The following RNF180 variants were observed in gnomAD, a reference collection of about 807,000 sequenced individuals.
RNF180 encodes E3 ubiquitin-protein ligase RNF180.
In RNF180, 38 loss-of-function variants were observed where a neutral mutation model predicts 59.2. That is an observed-to-expected ratio of 0.64 (90% confidence interval 0.50 to 0.84). The LOEUF (loss-of-function observed/expected upper bound fraction) is 0.84, where lower values mean the gene tolerates loss of function less well. Ranked by LOEUF, RNF180 falls within the 40% of genes least tolerant of loss-of-function variation. The pLI is 0.00. For missense variants in RNF180, 705 were observed against 700.9 expected (o/e 1.01, Z -0.07); for synonymous variants, 262 against 240.3 (o/e 1.09, Z -0.84).
chr5:64,192,750 A>G (rs1157266082), intron 1 of RNF180, among the ~76,000 whole-genome samples: 1 of 151,856 alleles, frequency 6.6e-6, no homozygotes, highest in East Asian at 1.9e-4. Context: ...CAGCAATCCT[A>G]TGTCTGATGT....
intron 1 of RNF180, among the ~76,000 whole-genome samples, chr5:64,170,634 C>CT (rs779667552): frequency 2.6e-5 from 4 of 152,158 alleles, no homozygotes; most frequent in Admixed American, 6.5e-5. Context: ...GATGGAGGAT[C>CT]TTTTTCTGAT....
chr5:64,185,877 G>A (rs1370786294), intron 1 of RNF180, among the ~76,000 whole-genome samples: 2 of 152,148 alleles, frequency 1.3e-5, no homozygotes, highest in Non-Finnish European at 2.9e-5. Flanking sequence ...ATGAACAAAG[G>A]TATCAGATGA....
Position 64,246,837 on chromosome 5 carries a change from G to T in RNF180, c.1227+29441G>T, listed in dbSNP as rs532108522. ...GGAAAGTTCAGGCCAATATCCTGAT[G>T]AACATCTATGAGAAAATCCTCAATA... On this transcript the variant is annotated intron_variant, in intron 5 of 7. Transcript: ENST00000389100. 1.9e-4 allele frequency among the ~76,000 whole-genome samples: 29 copies of T among 152,292 alleles called. No individual in the cohort carries two copies. The East Asian group carries it at 4.8e-3, about 25-fold the overall frequency.
At position 64,370,579 on chromosome 5, in the gene RNF180, G is replaced by T. The variant is rs1397719750; in HGVS notation, c.*765G>T. ...AATTTAGTGATTCATTTAAGTAGGA[G>T]ATGGTCAAATATATTGTAAATGTGC... On this transcript the variant is annotated 3_prime_UTR_variant, in exon 8 of 8. Coordinates refer to ENST00000389100, the MANE Select transcript of RNF180 (RefSeq NM_001113561.2). 1 of 151,604 alleles carries T rather than the reference G, an allele frequency of 6.6e-6. No homozygotes were observed. Among genetic ancestry groups the T allele is most frequent in the Non-Finnish European group, 1.5e-5 (1 of 67,740 alleles). The allele number at this position is 151,604 out of a possible 1,614,324, so 9.4% of individuals were successfully genotyped here.
chr5:64,188,404 C>CAA (rs561395613), intron 1 of RNF180, among the ~76,000 whole-genome samples: 3 of 143,398 alleles, frequency 2.1e-5, no homozygotes, highest in African/African-American at 7.7e-5. Flanking sequence ...TTCTCGTAAA[C>CAA]AAAAAAAAAA....
chr5:64,245,861 T>C (rs1743122056), intron 5 of RNF180, among the ~76,000 whole-genome samples: 2 of 152,148 alleles, frequency 1.3e-5, no homozygotes, highest in Admixed American at 6.5e-5. Context: ...GACCACATAA[T>C]TGGAAGTAAA....
intron 5 of RNF180, among the ~76,000 whole-genome samples, chr5:64,300,596 C>G (rs893042015): frequency 6.6e-6 from 1 of 151,678 alleles, no homozygotes; most frequent in Middle Eastern, 3.4e-3. Flanking sequence ...TGAATGTATT[C>G]CCCTCAGATA....
intron 1 of RNF180, among the ~76,000 whole-genome samples, chr5:64,191,279 G>T (rs1278830446): frequency 6.6e-6 from 1 of 152,114 alleles, no homozygotes; most frequent in Non-Finnish European, 1.5e-5. Context: ...TGGTACACTT[G>T]TTACAATTGA....
intron 5 of RNF180, among the ~76,000 whole-genome samples, chr5:64,293,362 C>T (rs749363132): frequency 6.6e-6 from 1 of 152,078 alleles, no homozygotes; most frequent in African/African-American, 2.4e-5. Context: ...AGAATTCACT[C>T]GCCATTTTCA....
chr5:64,343,447 G>A (rs1437469135), intron 7 of RNF180, among the ~76,000 whole-genome samples: 1 of 152,028 alleles, frequency 6.6e-6, no homozygotes, highest in African/African-American at 2.4e-5. Flanking sequence ...TATAGCTGAA[G>A]AGCTAATTGT....
At chr5:64,226,752 A>G (rs942403287) in intron 5 of RNF180, among the ~76,000 whole-genome samples, 5 of 152,226 alleles carry the variant, frequency 3.3e-5, no homozygotes, top group Admixed American at 1.3e-4. Flanking sequence ...TATAGCTGGT[A>G]ACAGAGTTCT....
chr5:64,171,361 A>G (rs903408230), intron 1 of RNF180, among the ~76,000 whole-genome samples: 2 of 152,202 alleles, frequency 1.3e-5, no homozygotes, highest in Non-Finnish European at 2.9e-5. Context: ...GGTGTGAAGT[A>G]CTACTTTTGG....
intron 5 of RNF180, among the ~76,000 whole-genome samples, chr5:64,226,183 G>A (rs368697067): frequency 3.3e-5 from 5 of 152,332 alleles, no homozygotes; most frequent in East Asian, 1.9e-4. Context: ...AGCGACCATC[G>A]AGAACGGGCC....
intron 5 of RNF180, among the ~76,000 whole-genome samples, chr5:64,250,214 C>T (rs1743476301): frequency 6.6e-6 from 1 of 152,028 alleles, no homozygotes; most frequent in Non-Finnish European, 1.5e-5. Context: ...TCCTGAACAA[C>T]CAATGGGTTA....
At position 64,269,092 on chromosome 5, in the gene RNF180, C is replaced by G. The variant is rs536653930; in HGVS notation, c.1227+51696C>G. ...TTCCCATCTTTAATAGTCTAAATCT[C>G]ACTTCCTTTGAGGAATGATTTCAAA... On this transcript the variant is annotated intron_variant, in intron 5 of 7. Transcript: ENST00000389100. Among the ~76,000 whole-genome samples the G allele has an allele frequency of 6.6e-4, 100 of 152,268 alleles. No homozygotes were observed. In the Middle Eastern group the frequency reaches 0.01, roughly 16 times the overall value.
intron 1 of RNF180, among the ~76,000 whole-genome samples, chr5:64,177,678 G>A (rs1750331699): frequency 1.3e-5 from 2 of 151,276 alleles, no homozygotes; most frequent in South Asian, 2.1e-4. Flanking sequence ...CTGATACTCT[G>A]GTATAAAGCA....
intron 6 of RNF180, 68 bp downstream of exon 6, chr5:64,325,479 A>G (rs1744594019): frequency 2.6e-6 from 3 of 1,162,198 alleles, no homozygotes; most frequent in Non-Finnish European, 3.7e-6. Context: ...AAGGTACTTT[A>G]TAAATTAAAA....
chr5:64,172,751 G>A (rs1750009227), intron 1 of RNF180, among the ~76,000 whole-genome samples: 1 of 152,126 alleles, frequency 6.6e-6, no homozygotes, highest in Non-Finnish European at 1.5e-5. Context: ...GTTGACCCTC[G>A]ATACTGGAGG....
chr5:64,187,068 T>G (rs1750908046), intron 1 of RNF180, among the ~76,000 whole-genome samples: 1 of 152,204 alleles, frequency 6.6e-6, no homozygotes, highest in Non-Finnish European at 1.5e-5. Context: ...ATGTCTGCAT[T>G]TCTTCAGTAA....
Sources: gnomAD v4.1 joint callset for allele counts (sites outside exome capture counted in the v4.1 genomes callset) on GRCh38, gnomAD v4.1.1 for gene constraint, MANE v1.5 for transcripts, NCBI Gene and HGNC (gene_info 2026-07-23, HGNC 2026-07-21) for gene names.